Variants in BCKDHB observed in about 807,000 individuals in gnomAD.
The protein encoded by BCKDHB is 2-oxoisovalerate dehydrogenase subunit beta, mitochondrial.
In BCKDHB, 41 loss-of-function variants were observed where a neutral mutation model predicts 48.5. The ratio of observed to expected loss-of-function variants is 0.85; its 90% CI spans 0.66 to 1.10. BCKDHB has a LOEUF of 1.10. Ranked by LOEUF, BCKDHB falls within the 50% of genes least tolerant of loss-of-function variation. BCKDHB has a pLI of 0.00. For missense variants in BCKDHB, 496 were observed against 494.2 expected (o/e 1.00, Z -0.03); for synonymous variants, 201 against 174.8 (o/e 1.15, Z -1.18).
chr6:80,339,538 C>G (rs1021088573), intron 9 of BCKDHB, among the ~76,000 whole-genome samples: 1 of 152,116 alleles, frequency 6.6e-6, no homozygotes, highest in Admixed American at 6.6e-5. Flanking sequence ...TCTTTTCTGG[C>G]TATAATGTGC....
At chr6:80,357,357 G>A in the BCKDHB span, among the ~76,000 whole-genome samples, 11 of 152,152 alleles carry the variant, frequency 7.2e-5, no homozygotes, top group African/African-American at 2.4e-4. Context: ...TGTTGAAACA[G>A]AATGGAGAGG....
chr6:80,193,883 T>C (rs1447486300), intron 6 of BCKDHB, among the ~76,000 whole-genome samples: 1 of 152,218 alleles, frequency 6.6e-6, no homozygotes, highest in Non-Finnish European at 1.5e-5. Context: ...CATCTTCACA[T>C]ATTCATGTCT....
intron 4 of BCKDHB, among the ~76,000 whole-genome samples, chr6:80,168,436 AAGAG>A (rs1772691051): frequency 1.1e-5 from 1 of 94,008 alleles, no homozygotes; most frequent in African/African-American, 4.3e-5. Flanking sequence ...GAAGAAAAGG[AAGAG>A]AGGGAGGGAG....
At chr6:80,346,973 T>A (rs1405995392), downstream of BCKDHB, among the ~76,000 whole-genome samples, 1 of 151,806 alleles carries the variant, frequency 6.6e-6, no homozygotes, top group Non-Finnish European at 1.5e-5. Flanking sequence ...ATGTTTTCCT[T>A]TCTCTAGAAA....
At chr6:80,155,719 A>G (rs1179543878) in intron 3 of BCKDHB, among the ~76,000 whole-genome samples, 3 of 152,056 alleles carry the variant, frequency 2.0e-5, no homozygotes, top group Non-Finnish European at 4.4e-5. Context: ...ACTGGTAAAT[A>G]TAACATTGAA....
chr6:80,388,682 TTCTC>T, the BCKDHB span, among the ~76,000 whole-genome samples: 1 of 152,240 alleles, frequency 6.6e-6, no homozygotes, highest in African/African-American at 2.4e-5. Flanking sequence ...CCACCCTGCC[TTCTC>T]TCTCTCAGCC....
chr6:80,341,006 A>G (rs991873706), intron 9 of BCKDHB, among the ~76,000 whole-genome samples: 16 of 152,206 alleles, frequency 1.1e-4, no homozygotes, highest in African/African-American at 3.6e-4. Context: ...GTGTAAAGTG[A>G]AGTTCATGGA....
chr6:80,377,843 A>G, the BCKDHB span, among the ~76,000 whole-genome samples: 1 of 152,206 alleles, frequency 6.6e-6, no homozygotes, highest in African/African-American at 2.4e-5. Flanking sequence ...TGTGACTTTT[A>G]GAATCATCTT....
the BCKDHB span, among the ~76,000 whole-genome samples, chr6:80,394,645 G>A: frequency 6.6e-6 from 1 of 152,134 alleles, no homozygotes; most frequent in South Asian, 2.1e-4. Flanking sequence ...ATTAACTAAA[G>A]TTTAATTGGA....
At chr6:80,460,859 C>A in the BCKDHB span, among the ~76,000 whole-genome samples, 1 of 152,096 alleles carries the variant, frequency 6.6e-6, no homozygotes, top group Non-Finnish European at 1.5e-5. Context: ...GAACTCTTCT[C>A]TGTGAAAGTC....
chr6:80,185,505 C>T (rs1479891051), intron 6 of BCKDHB, among the ~76,000 whole-genome samples: 1 of 152,022 alleles, frequency 6.6e-6, no homozygotes, highest in East Asian at 1.9e-4. Flanking sequence ...CTTGTTTTGC[C>T]ATATTACCAT....
intron 9 of BCKDHB, among the ~76,000 whole-genome samples, chr6:80,286,094 C>T (rs1278329140): frequency 6.6e-6 from 1 of 152,022 alleles, no homozygotes; most frequent in Non-Finnish European, 1.5e-5. Flanking sequence ...GAATTTTCTG[C>T]TTATGCTGTT....
At chr6:80,122,967 C>A (rs189956588) in intron 1 of BCKDHB, among the ~76,000 whole-genome samples, 2 of 139,562 alleles carry the variant, frequency 1.4e-5, no homozygotes, top group African/African-American at 2.6e-5. Flanking sequence ...GCCTTCCCCC[C>A]CTCCCCCCCG....
chr6:80,108,720 C>T (rs931087449), intron 1 of BCKDHB, among the ~76,000 whole-genome samples: 2 of 151,928 alleles, frequency 1.3e-5, no homozygotes, highest in Admixed American at 6.5e-5. Flanking sequence ...ATTAGCTGGG[C>T]GTGGCAGCGC....
At chr6:80,230,474 T>G (rs912251171) in intron 8 of BCKDHB, among the ~76,000 whole-genome samples, 1 of 152,198 alleles carries the variant, frequency 6.6e-6, no homozygotes, top group East Asian at 1.9e-4. Flanking sequence ...GTAAACAAGC[T>G]ATGGCTGGGA....
At chr6:80,207,268 T>C (rs1320664330) in intron 8 of BCKDHB, among the ~76,000 whole-genome samples, 1 of 151,854 alleles carries the variant, frequency 6.6e-6, no homozygotes, top group East Asian at 1.9e-4. Context: ...ACACAAAAGC[T>C]AGGGGGTCTT....
chr6:80,361,070 C>T, the BCKDHB span, among the ~76,000 whole-genome samples: 1 of 151,964 alleles, frequency 6.6e-6, no homozygotes, highest in African/African-American at 2.4e-5. Flanking sequence ...TTTTATTTCC[C>T]CACCTTTATT....
intron 8 of BCKDHB, among the ~76,000 whole-genome samples, chr6:80,250,748 T>G (rs571601068): frequency 6.6e-6 from 1 of 152,170 alleles, no homozygotes; most frequent in African/African-American, 2.4e-5. Flanking sequence ...ATCCATCTTA[T>G]AAGAGTCCAT....
chr6:80,322,598 G>T (rs1768795915), intron 9 of BCKDHB, among the ~76,000 whole-genome samples: 1 of 152,154 alleles, frequency 6.6e-6, no homozygotes, highest in Admixed American at 6.5e-5. Context: ...TCTTTACTTA[G>T]AGGAGACTTT....
Sources: allele counts gnomAD v4.1 joint callset (sites outside exome capture counted in the v4.1 genomes callset), GRCh38; gene constraint gnomAD v4.1.1; transcripts MANE v1.5; gene names NCBI Gene and HGNC (gene_info 2026-07-23, HGNC 2026-07-21).